RSPO1: variants seen among roughly 807,000 people sequenced by gnomAD.
RSPO1 encodes R-spondin-1.
Under a neutral mutation model 26.0 loss-of-function variants are expected in RSPO1, and 18 were observed. That is an observed-to-expected ratio of 0.69 (90% CI 0.48 to 1.03). The LOEUF (loss-of-function observed/expected upper bound fraction) is 1.03. RSPO1 is among the 50% of genes least tolerant of loss of function. The probability of loss-of-function intolerance (pLI) is 0.00; values close to 1 mark genes in which losing one functional copy is unlikely to be tolerated. For synonymous variants in RSPO1, 133 were observed against 137.4 expected (o/e 0.97, Z 0.22); for missense variants, 309 against 352.3 (o/e 0.88, Z 0.98).
rs967203904 is a variant in RSPO1, at chr1:37,612,744, G to C, written c.*11C>G. The stretch of plus-strand genomic sequence containing the variant: ...CTCTTTCTGCATGGGCCTGGAGGCT[G>C]GACAGTGTCCCTAGGCAGGCCCTGC... On this transcript the variant is annotated 3_prime_UTR_variant, in exon 7 of 7. Transcript: ENST00000356545. 6 of 1,608,726 alleles carry C rather than the reference G, an allele frequency of 3.7e-6. No homozygotes were observed. The highest frequency in any genetic ancestry group is 5.1e-6 in the Non-Finnish European group (6 of 1,179,882).
chr1:37,619,548 C>A (rs1255872033), intron 3 of RSPO1, among the ~76,000 whole-genome samples: 16 of 152,116 alleles, frequency 1.1e-4, no homozygotes. Context: ...AGGAGAGCAA[C>A]CGAAGGAAGG....
At chr1:37,620,950 A>T (rs951765453) in intron 3 of RSPO1, among the ~76,000 whole-genome samples, 1 of 152,160 alleles carries the variant, frequency 6.6e-6, no homozygotes, top group Non-Finnish European at 1.5e-5. Flanking sequence ...TGATCCCGGC[A>T]TCCCATTTGC....
chr1:37,614,066 G>A, intron 5 of RSPO1, 118 bp downstream of exon 5: 1 of 1,337,130 alleles, frequency 7.5e-7, no homozygotes, highest in Non-Finnish European at 1.0e-6. Flanking sequence ...AGAAAGGAGT[G>A]GTAGGGTAAG....
rs372623812 is a variant in RSPO1 at position 37,619,833 on chromosome 1, C to T, written c.95-3158G>A. Among the ~76,000 whole-genome samples, 58 of 151,986 alleles carry T rather than the reference C, an allele frequency of 3.8e-4. No homozygotes were observed. The South Asian group carries it at 5.6e-3, about 15-fold the overall frequency. On this transcript the variant is annotated intron_variant, in intron 3 of 6. Coordinates refer to ENST00000356545, the MANE Select transcript of RSPO1 (RefSeq NM_001242908.2). The stretch of plus-strand genomic sequence containing the variant: ...CACAATCTCGGCTCACTGCAATCTC[C>T]GCCTCCCATGTACAAGCGATTCTCC...
intron 3 of RSPO1, among the ~76,000 whole-genome samples, chr1:37,621,636 T>C (rs956962248): frequency 1.3e-5 from 2 of 152,074 alleles, no homozygotes; most frequent in African/African-American, 4.8e-5. Context: ...GACGAGTAGC[T>C]AAGTATTAGA....
chr1:37,618,142 T>C (rs1486544007), intron 3 of RSPO1, among the ~76,000 whole-genome samples: 2 of 152,360 alleles, frequency 1.3e-5, no homozygotes, highest in African/African-American at 2.4e-5. Context: ...CTTTATATCA[T>C]GCTAAGGAAC....
Position 37,612,543 on chromosome 1 carries a change from G to GT in RSPO1, c.*211dup, listed in dbSNP as rs1644039865. The stretch of plus-strand genomic sequence containing the variant: ...GTGTATGTGTGTGTGTGGTGTCTGT[G>GT]TCTGCGTGTGTACATGAACACACAT... On this transcript the variant is annotated 3_prime_UTR_variant, in exon 7 of 7. Transcript: ENST00000356545. 1.1e-5 allele frequency: 7 copies of GT among 624,038 alleles called. No individual in the cohort carries two copies. In the Admixed American group the frequency reaches 1.5e-4, roughly 13 times the overall value. 38.7% of individuals were successfully genotyped at this position (624,038 alleles called of 1,614,324 possible).
intron 2 of RSPO1, among the ~76,000 whole-genome samples, chr1:37,630,317 G>A (rs942568281): frequency 7.9e-4 from 100 of 127,264 alleles, no homozygotes; most frequent in African/African-American, 2.5e-3. Flanking sequence ...CCTGTCTCTT[G>A]AAGAGGAGCT....
At chr1:37,621,713 G>T (rs1302772666) in intron 3 of RSPO1, among the ~76,000 whole-genome samples, 2 of 152,094 alleles carry the variant, frequency 1.3e-5, no homozygotes, top group African/African-American at 2.4e-5. Context: ...TGAACACATG[G>T]GTCTGGAACT....
chr1:37,616,383 C>T, intron 4 of RSPO1, 101 bp downstream of exon 4: 2 of 1,069,784 alleles, frequency 1.9e-6, no homozygotes, highest in South Asian at 1.3e-5. Flanking sequence ...CTCCTCAGAG[C>T]CCCCTCTGCT....
At chr1:37,630,842 C>T (rs1644350205) in intron 2 of RSPO1, among the ~76,000 whole-genome samples, 1 of 152,258 alleles carries the variant, frequency 6.6e-6, no homozygotes, top group Non-Finnish European at 1.5e-5. Context: ...CTCCCCCACA[C>T]ACACCCACAC....
At chr1:37,617,709 G>A (rs972927000) in intron 3 of RSPO1, among the ~76,000 whole-genome samples, 1 of 146,944 alleles carries the variant, frequency 6.8e-6, no homozygotes, top group Non-Finnish European at 1.5e-5. Flanking sequence ...ATCTTTTGAG[G>A]CTTCATGGTT....
In RSPO1 at chr1:37,613,763, G is replaced by T. The variant is rs577494522; in HGVS notation, c.566C>A (p.Ala189Asp). 1 of 1,614,002 alleles carries T rather than the reference G, an allele frequency of 6.2e-7. No individual in the cohort carries two copies. The highest frequency in any genetic ancestry group is 1.7e-5 in the Admixed American group (1 of 60,030). ...CCGGGTCTCCTTGGTGTCAGAGCAG[G>T]CAGCATGGTCCCCCACAGGGGCATG... ...VLHAPVGDHA[A>D]CSDTKETRRC... Residue 189 changes from alanine to aspartate, a missense_variant, in exon 6 of 7, where the codon GCC becomes GAC. By Grantham distance (126) the Ala-to-Asp change is moderately radical (BLOSUM62 -2). Transcript: ENST00000356545. This position sits in a 1 kb window ranked among gnomAD's most constrained non-coding sequence, Gnocchi z 4.5.
chr1:37,621,589 G>A (rs542592297), intron 3 of RSPO1, among the ~76,000 whole-genome samples: 74 of 152,138 alleles, frequency 4.9e-4, no homozygotes, highest in Admixed American at 1.6e-3. Flanking sequence ...CCTGGGAGAG[G>A]GACCACAGGA....
chr1:37,625,510 G>A (rs1054505261), intron 3 of RSPO1, among the ~76,000 whole-genome samples: 24 of 152,054 alleles, frequency 1.6e-4, no homozygotes, highest in African/African-American at 5.1e-4. Context: ...TTCAGTTGGC[G>A]AGGGTAGGAG....
At chr1:37,615,777 G>A (rs1366413721) in intron 4 of RSPO1, among the ~76,000 whole-genome samples, 2 of 152,224 alleles carry the variant, frequency 1.3e-5, no homozygotes, top group Non-Finnish European at 2.9e-5. Flanking sequence ...AGCATGTGGA[G>A]CTGTAGCTGT....
chr1:37,617,688 A>AAAG (rs1553120745), intron 3 of RSPO1, among the ~76,000 whole-genome samples: 21 of 136,614 alleles, frequency 1.5e-4, no homozygotes, highest in East Asian at 6.7e-4. Context: ...AAAAAAAAAA[A>AAAG]AGAGAGAACC....
At chr1:37,616,459 C>A (rs1644114008) in intron 4 of RSPO1, 25 bp downstream of exon 4, 2 of 1,611,722 alleles carry the variant, frequency 1.2e-6, no homozygotes, top group Non-Finnish European at 1.7e-6. Flanking sequence ...TGCCCCCTGC[C>A]CCCGACAGCC....
At chr1:37,632,759 A>G (rs756070708) in intron 1 of RSPO1, among the ~76,000 whole-genome samples, 5 of 152,326 alleles carry the variant, frequency 3.3e-5, no homozygotes, top group Middle Eastern at 3.4e-3. Flanking sequence ...CAGTGGCTCC[A>G]CATTCCTGCA....
Sources: allele counts gnomAD v4.1 joint callset (sites outside exome capture counted in the v4.1 genomes callset), GRCh38; gene constraint gnomAD v4.1.1; non-coding constraint Gnocchi (gnomAD v3.1); transcripts MANE v1.5; gene names NCBI Gene and HGNC (gene_info 2026-07-23, HGNC 2026-07-21).